The following KIFAP3 variants were observed in gnomAD, a reference collection of about 807,000 sequenced individuals.
The protein encoded by KIFAP3 is kinesin-associated protein 3.
In KIFAP3, 68 loss-of-function variants were observed where a neutral mutation model predicts 106.5. The observed-to-expected ratio is 0.64, with a 90% CI of 0.53 to 0.78. The LOEUF is 0.78. Ranked by LOEUF, KIFAP3 falls within the 30% of genes least tolerant of loss-of-function variation. The pLI, the probability that KIFAP3 is intolerant of heterozygous loss-of-function variation, is 0.00. For synonymous variants in KIFAP3, 320 were observed against 311.5 expected, an observed-to-expected ratio of 1.03 and a Z score of -0.29; for missense variants, 780 against 941.8, an observed-to-expected ratio of 0.83 and a Z score of 2.25.
At chr1:169,942,910 G>GCT (rs57242537) in intron 19 of KIFAP3, among the ~76,000 whole-genome samples, 1 of 105,808 alleles carries the variant, frequency 9.5e-6, no homozygotes, top group African/African-American at 3.5e-5. Flanking sequence ...TTTTAAAGAC[G>GCT]CCCCCCCCCA....
Position 170,035,570 on chromosome 1 carries a change from G to C in KIFAP3, c.518-17C>G. On this transcript the variant is annotated splice_polypyrimidine_tract_variant and intron_variant, in intron 5 of 19. Coordinates refer to ENST00000361580, the MANE Select transcript of KIFAP3 (RefSeq NM_014970.4). ...GGGCAGTTTCTAAAGAAAAAGGAGA[G>C]GTACCGAAACGATCATTCTCCTTGC... The C allele has an allele frequency of 1.3e-6, 2 of 1,511,466 alleles. No individual in the cohort carries two copies. The highest frequency in any genetic ancestry group is 2.8e-5 in the African/African-American group (2 of 71,528). 93.6% of individuals were successfully genotyped at this position (1,511,466 alleles called of 1,614,324 possible).
At chr1:169,922,999 G>T in intron 19 of KIFAP3, 1 of 568,970 alleles carries the variant, frequency 1.8e-6, no homozygotes, top group African/African-American at 2.0e-5. Context: ...GTGTGCACGC[G>T]TGCTTGTGTG....
intron 1 of KIFAP3, among the ~76,000 whole-genome samples, chr1:170,073,436 G>A (rs1671790015): frequency 6.6e-6 from 1 of 152,206 alleles, no homozygotes. Context: ...CTGTGATGAT[G>A]AGAGCTCAGC....
At chr1:169,984,785 T>C in intron 11 of KIFAP3, 95 bp from the exon 12 acceptor site, 1 of 632,486 alleles carries the variant, frequency 1.6e-6, no homozygotes, top group Non-Finnish European at 2.9e-6. Context: ...TATCTTAGAT[T>C]GTACATTGGG....
intron 1 of KIFAP3, among the ~76,000 whole-genome samples, chr1:170,064,833 A>C (rs1347057613): frequency 6.6e-6 from 1 of 152,240 alleles, no homozygotes; most frequent in Non-Finnish European, 1.5e-5. Context: ...AATACATAAA[A>C]CCATACTCAT....
intron 1 of KIFAP3, among the ~76,000 whole-genome samples, chr1:170,083,780 A>C (rs1402619277): frequency 6.6e-6 from 1 of 152,326 alleles, no homozygotes; most frequent in African/African-American, 2.4e-5. Context: ...CAAGTCACTT[A>C]AGCACTCTGT....
At position 170,041,536 on chromosome 1, in the gene KIFAP3, G is replaced by T. The variant is rs537862239; in HGVS notation, c.320-2248C>A. On this transcript the variant is annotated intron_variant, in intron 3 of 19. Coordinates refer to ENST00000361580, the MANE Select transcript of KIFAP3 (RefSeq NM_014970.4). ...CAATTTAGTGGTGAACTCATAAAGGGATACCCCTCGTAGGCATCTGCCTGT... is the reference window on the plus strand; with the variant it reads ...CAATTTAGTGGTGAACTCATAAAGGTATACCCCTCGTAGGCATCTGCCTGT... 6.3e-5 allele frequency: 37 copies of T among 584,460 alleles called. 2 individuals carry two copies. In the South Asian group the frequency reaches 7.8e-4, roughly 12 times the overall value. The allele number at this position is 584,460 out of a possible 1,614,324, so 36.2% of individuals were successfully genotyped here. A position where few individuals can be genotyped will look rare whatever the true frequency, so the allele number is the denominator to read the frequency against.
At position 169,973,683 on chromosome 1, in the gene KIFAP3, G is replaced by A. The variant is rs1007344026; in HGVS notation, c.1898-1085C>T. Among the ~76,000 whole-genome samples, 9 of 151,866 alleles carry A rather than the reference G, an allele frequency of 5.9e-5. No individual in the cohort carries two copies. The Middle Eastern group carries it at 0.01, about 173-fold the overall frequency. ...TCTCATTGGCAGTCCAAGGGAAAGC[G>A]AAAAAACATCTTCGAATTGCTGGGG... On this transcript the variant is annotated intron_variant, in intron 16 of 19. Transcript: ENST00000361580.
intron 19 of KIFAP3, among the ~76,000 whole-genome samples, chr1:169,939,405 AGAAGAT>A (rs1409109945): frequency 2.0e-5 from 3 of 152,220 alleles, no homozygotes; most frequent in Non-Finnish European, 4.4e-5. Context: ...TACTGAGACG[AGAAGAT>A]TAAGGGAGGA....
At position 170,048,660 on chromosome 1, in the gene KIFAP3, T is replaced by A. The variant is rs567158472; in HGVS notation, c.165-1794A>T. On this transcript the variant is annotated intron_variant, in intron 2 of 19. Coordinates refer to ENST00000361580, the MANE Select transcript of KIFAP3 (RefSeq NM_014970.4). ...ACCCAGTTCATCTCACTGGGACTGG[T>A]TAGGCAGTGGGTACAACCCATGGAG... Among the ~76,000 whole-genome samples the A allele has an allele frequency of 1.1e-4, 16 of 150,952 alleles. No homozygotes were observed. In the East Asian group the frequency reaches 2.2e-3, roughly 20 times the overall value.
At chr1:169,957,306 CTA>C (rs1417315360) in intron 18 of KIFAP3, among the ~76,000 whole-genome samples, 1 of 152,088 alleles carries the variant, frequency 6.6e-6, no homozygotes, top group Non-Finnish European at 1.5e-5. Flanking sequence ...ACACTCTAAG[CTA>C]TAGAGTATTA....
intron 1 of KIFAP3, among the ~76,000 whole-genome samples, chr1:170,058,661 GTAATT>G (rs71677876): frequency 0.063 from 9,572 of 151,602 alleles, 376 homozygotes; most frequent in Non-Finnish European, 0.095. Flanking sequence ...TTGTTTTAAT[GTAATT>G]ACTAATGATA....
upstream of KIFAP3, among the ~76,000 whole-genome samples, chr1:170,075,153 C>G (rs2102187555): frequency 6.6e-6 from 1 of 152,254 alleles, no homozygotes; most frequent in Non-Finnish European, 1.5e-5. Flanking sequence ...ACAACAGCAA[C>G]AAAAAACAGT....
At chr1:169,946,145 G>C (rs554468834) in intron 19 of KIFAP3, among the ~76,000 whole-genome samples, 2 of 152,238 alleles carry the variant, frequency 1.3e-5, no homozygotes, top group East Asian at 3.9e-4. Flanking sequence ...TTAATTAGCT[G>C]AATAAATGAT....
chr1:170,051,469 G>C (rs1670572467), intron 2 of KIFAP3, among the ~76,000 whole-genome samples: 1 of 152,170 alleles, frequency 6.6e-6, no homozygotes, highest in South Asian at 2.1e-4. Flanking sequence ...TTCAGGACTT[G>C]AACTCAGCTC....
intron 11 of KIFAP3, 104 bp from the exon 12 acceptor site, chr1:169,984,794 G>T: frequency 1.7e-6 from 1 of 580,996 alleles, no homozygotes; most frequent in African/African-American, 1.9e-5. Context: ...TTGTACATTG[G>T]GCATAATATA....
At chr1:169,981,038 T>C (rs977414771) in intron 15 of KIFAP3, among the ~76,000 whole-genome samples, 6 of 151,730 alleles carry the variant, frequency 4.0e-5, no homozygotes, top group African/African-American at 1.5e-4. Flanking sequence ...GAGGCGGAGG[T>C]TGTGGTGAGC....
intron 10 of KIFAP3, among the ~76,000 whole-genome samples, chr1:170,006,253 C>T (rs1259426478): frequency 3.3e-5 from 5 of 152,150 alleles, no homozygotes; most frequent in Non-Finnish European, 7.3e-5. Context: ...TTCATCCTTT[C>T]ATGCATTCAT....
intron 18 of KIFAP3, among the ~76,000 whole-genome samples, chr1:169,957,470 T>G (rs1208510134): frequency 6.6e-6 from 1 of 152,172 alleles, no homozygotes; most frequent in East Asian, 1.9e-4. Flanking sequence ...AAATTTGTTG[T>G]CAACACAGGT....
Sources: allele counts gnomAD v4.1 joint callset (sites outside exome capture counted in the v4.1 genomes callset), GRCh38; gene constraint gnomAD v4.1.1; transcripts MANE v1.5; gene names NCBI Gene and HGNC (gene_info 2026-07-23, HGNC 2026-07-21).